The following TLN2 variants were observed in gnomAD, a reference collection of about 807,000 sequenced individuals.
The protein encoded by TLN2 is talin-2.
In TLN2, 118 loss-of-function variants were observed where a neutral mutation model predicts 294.7. The ratio of observed to expected loss-of-function variants is 0.40; its 90% CI spans 0.34 to 0.47. TLN2 has a LOEUF of 0.47. TLN2 is among the 20% of genes least tolerant of loss of function. The pLI, the probability that TLN2 is intolerant of heterozygous loss-of-function variation, is 0.84. For missense variants in TLN2, 3,083 were observed against 3,282.2 expected (o/e 0.94, Z 1.48); for synonymous variants, 1,431 against 1,304.5 (o/e 1.10, Z -2.09).
chr15:62,721,805 A>G (rs756347029), intron 25 of TLN2, among the ~76,000 whole-genome samples: 2 of 152,202 alleles, frequency 1.3e-5, no homozygotes, highest in African/African-American at 2.4e-5. Context: ...GGAATATTAT[A>G]TAGCTCTTTA....
chr15:62,763,840 C>T (rs1341955425), intron 40 of TLN2, 145 bp downstream of exon 40: 1 of 1,283,818 alleles, frequency 7.8e-7, no homozygotes, highest in Non-Finnish European at 1.0e-6. Context: ...TCTGTGGAGC[C>T]AATCTGGGAA....
chr15:62,641,153 T>C (rs138962371), intron 3 of TLN2, among the ~76,000 whole-genome samples: 2 of 152,132 alleles, frequency 1.3e-5, no homozygotes, highest in African/African-American at 4.8e-5. Flanking sequence ...GTGAGCTCCA[T>C]GTAGACAGGA....
intron 1 of TLN2, among the ~76,000 whole-genome samples, chr15:62,539,847 G>T (rs191248611): frequency 4.7e-4 from 71 of 150,886 alleles, no homozygotes; most frequent in Non-Finnish European, 8.7e-4. Flanking sequence ...CATACCATGT[G>T]CCAGAAGACC....
At chr15:62,767,393 G>A (rs936773711) in intron 41 of TLN2, among the ~76,000 whole-genome samples, 3 of 151,620 alleles carry the variant, frequency 2.0e-5, no homozygotes, top group Admixed American at 6.6e-5. Flanking sequence ...CCAGGCTGGA[G>A]TGCAGTGGTG....
At chr15:62,442,498 A>G (rs969896022) in intron 1 of TLN2, among the ~76,000 whole-genome samples, 1 of 148,792 alleles carries the variant, frequency 6.7e-6, no homozygotes. Context: ...GTCTCAGAAA[A>G]AAAAAAAAAA....
At chr15:62,556,124 C>T (rs1262211038) in intron 1 of TLN2, among the ~76,000 whole-genome samples, 1 of 149,248 alleles carries the variant, frequency 6.7e-6, no homozygotes, top group East Asian at 2.0e-4. Context: ...ATTATTGTAT[C>T]TTTTTGGTTT....
At chr15:62,452,146 A>G (rs1464832844) in intron 1 of TLN2, among the ~76,000 whole-genome samples, 3 of 72,776 alleles carry the variant, frequency 4.1e-5, no homozygotes, top group African/African-American at 1.0e-4. Flanking sequence ...GGGACGCACC[A>G]AGGGTGAAAG....
At position 62,700,520 on chromosome 15, in the gene TLN2, G is replaced by A. The variant is rs113885359; in HGVS notation, c.1588-586G>A. On this transcript the variant is annotated intron_variant, in intron 16 of 58. Coordinates refer to ENST00000636159, the MANE Select transcript of TLN2 (RefSeq NM_015059.3). ...CTGCCTATGATTTGCCCGAGGTCCT[G>A]TCACCTGCTAGTGGTAGATCTGGAT... is the stretch of plus-strand genomic sequence containing the variant. Among the ~76,000 whole-genome samples the A allele has an allele frequency of 4.3e-3, 653 of 152,314 alleles. 9 individuals carry two copies. Among genetic ancestry groups the A allele is most frequent in the African/African-American group, 0.014 (562 of 41,568 alleles).
intron 21 of TLN2, among the ~76,000 whole-genome samples, chr15:62,710,720 C>CTTTTTTTTTT (rs71287048): frequency 5.2e-5 from 4 of 77,042 alleles, no homozygotes; most frequent in Non-Finnish European, 9.7e-5. Flanking sequence ...TGCTGATGTC[C>CTTTTTTTTTT]TTTTTTTTTT....
At chr15:62,647,528 G>A in intron 4 of TLN2, 82 bp downstream of exon 4, 1 of 1,588,334 alleles carries the variant, frequency 6.3e-7, no homozygotes, top group Non-Finnish European at 8.6e-7. Context: ...GAGGCTCCAA[G>A]TGGTACACAA....
intron 31 of TLN2, 84 bp from the exon 32 acceptor site, chr15:62,740,546 T>C: frequency 1.3e-6 from 2 of 1,573,232 alleles, no homozygotes; most frequent in Non-Finnish European, 1.7e-6. Context: ...TGCCTGCATG[T>C]CAGGATGCTG....
intron 1 of TLN2, among the ~76,000 whole-genome samples, chr15:62,392,057 G>T (rs112453898): frequency 0.011 from 1,636 of 152,376 alleles, 31 homozygotes; most frequent in African/African-American, 0.038. Context: ...CCCCGAGGCC[G>T]CCGAACAGCC....
At position 62,708,749 on chromosome 15, in the gene TLN2, C is replaced by T. The variant is rs779397920; in HGVS notation, c.2420C>T (p.Thr807Ile). ...PIGRYDQATD[T>I]IMCVTESIFS... is the part of the protein sequence containing the mutation. ...GGCCGCTACGACCAGGCTACTGACA[C>T]CATCATGTGTGTCACCGAGAGCATC... Residue 807 changes from threonine to isoleucine, a missense_variant, in exon 21 of 59, where the codon ACC (threonine) becomes ATC (isoleucine). By Grantham distance (89) the Thr-to-Ile change is moderately conservative. Coordinates refer to ENST00000636159, the MANE Select transcript of TLN2 (RefSeq NM_015059.3). The T allele has an allele frequency of 6.8e-6, 11 of 1,609,552 alleles. No homozygotes were observed. The highest frequency in any genetic ancestry group is 8.5e-6 in the Non-Finnish European group (10 of 1,179,996).
At chr15:62,509,640 C>T (rs1482862559) in intron 1 of TLN2, among the ~76,000 whole-genome samples, 1 of 152,176 alleles carries the variant, frequency 6.6e-6, no homozygotes, top group African/African-American at 2.4e-5. Context: ...TCCTGGTCCT[C>T]TGGTCCCCTC....
intron 21 of TLN2, among the ~76,000 whole-genome samples, chr15:62,710,718 T>TC (rs2059370255): frequency 7.7e-6 from 1 of 130,508 alleles, no homozygotes; most frequent in Non-Finnish European, 1.6e-5. Context: ...TCTGCTGATG[T>TC]CCTTTTTTTT....
intron 1 of TLN2, among the ~76,000 whole-genome samples, chr15:62,454,655 A>G (rs1190890429): frequency 2.0e-5 from 3 of 152,140 alleles, no homozygotes; most frequent in Non-Finnish European, 4.4e-5. Flanking sequence ...TTGTCTCCAT[A>G]GGACTTCAGC....
intron 46 of TLN2, among the ~76,000 whole-genome samples, chr15:62,793,627 T>C (rs2065237570): frequency 6.6e-6 from 1 of 152,138 alleles, no homozygotes; most frequent in Admixed American, 6.5e-5. Flanking sequence ...CACGCCATAC[T>C]CTGAATGTTT....
intron 1 of TLN2, among the ~76,000 whole-genome samples, chr15:62,430,445 G>C (rs562674150): frequency 9.8e-5 from 15 of 152,312 alleles, no homozygotes; most frequent in African/African-American, 3.6e-4. Context: ...TTTAGCTTCT[G>C]TTTTGTTCGC....
At chr15:62,776,078 G>A (rs1324557223) in intron 42 of TLN2, among the ~76,000 whole-genome samples, 2 of 152,158 alleles carry the variant, frequency 1.3e-5, no homozygotes, top group African/African-American at 2.4e-5. Context: ...GCTACTTGAG[G>A]TATCTTTCAG....
Sources: allele counts gnomAD v4.1 joint callset (sites outside exome capture counted in the v4.1 genomes callset), GRCh38; gene constraint gnomAD v4.1.1; transcripts MANE v1.5; gene names NCBI Gene and HGNC (gene_info 2026-07-23, HGNC 2026-07-21).